The following PTPRM variants were observed in gnomAD, a reference collection of about 807,000 sequenced individuals.
The protein encoded by PTPRM is receptor-type tyrosine-protein phosphatase mu.
Under a neutral mutation model 186.7 loss-of-function variants are expected in PTPRM, and 47 were observed. The ratio of observed to expected loss-of-function variants is 0.25; its 90% confidence interval spans 0.20 to 0.32. The LOEUF is 0.32. Ranked by LOEUF, PTPRM falls within the 10% of genes least tolerant of loss-of-function variation. The probability of loss-of-function intolerance (pLI) is 1.00; values close to 1 mark genes in which losing one functional copy is unlikely to be tolerated. For missense variants in PTPRM, 1,494 were observed against 1,865.0 expected (o/e 0.80, Z 3.66); for synonymous variants, 668 against 674.9 (o/e 0.99, Z 0.16).
Position 7,617,078 on chromosome 18 carries a change from A to G in PTPRM, c.73+49187A>G, listed in dbSNP as rs367846391. 4.6e-5 allele frequency among the ~76,000 whole-genome samples: 7 copies of G among 152,306 alleles called. No individual in the cohort carries two copies. The East Asian group carries it at 1.4e-3, about 29-fold the overall frequency. On this transcript the variant is annotated intron_variant, in intron 1 of 32. Transcript: ENST00000580170. ...AGTAGATGCCTTAGAAATAGAATTCACAGCAGAATGCCCTCTTTCCAGTAG... is the reference window on the plus strand; with the variant it reads ...AGTAGATGCCTTAGAAATAGAATTCGCAGCAGAATGCCCTCTTTCCAGTAG...
chr18:7,710,660 C>A (rs1413484712), intron 1 of PTPRM, among the ~76,000 whole-genome samples: 2 of 152,104 alleles, frequency 1.3e-5, no homozygotes, highest in Admixed American at 6.6e-5. Context: ...AAGATTCATC[C>A]AAAAACTCCT....
At chr18:8,371,286 C>T (rs1004776866) in intron 24 of PTPRM, among the ~76,000 whole-genome samples, 1 of 152,178 alleles carries the variant, frequency 6.6e-6, no homozygotes, top group African/African-American at 2.4e-5. Flanking sequence ...TATTGTTCTG[C>T]CCGTCTCTCT....
chr18:7,819,920 A>G (rs1269415333), intron 2 of PTPRM, among the ~76,000 whole-genome samples: 1 of 151,904 alleles, frequency 6.6e-6, no homozygotes, highest in Non-Finnish European at 1.5e-5. Context: ...CGGGAAGCAG[A>G]CCCCTCCATG....
intron 7 of PTPRM, among the ~76,000 whole-genome samples, chr18:8,032,828 C>A (rs2086074235): frequency 6.6e-6 from 1 of 151,868 alleles, no homozygotes; most frequent in South Asian, 2.1e-4. Context: ...TTTGGGGCAG[C>A]AGAGTTATCA....
At chr18:7,664,312 G>A (rs1274603332) in intron 1 of PTPRM, among the ~76,000 whole-genome samples, 1 of 152,186 alleles carries the variant, frequency 6.6e-6, no homozygotes, top group Non-Finnish European at 1.5e-5. Flanking sequence ...TTACGCAGGA[G>A]CTAAGGATCC....
At chr18:7,771,959 A>T (rs1457103291) in intron 1 of PTPRM, among the ~76,000 whole-genome samples, 5 of 152,228 alleles carry the variant, frequency 3.3e-5, no homozygotes, top group Non-Finnish European at 5.9e-5. Context: ...AAGTGGAGAG[A>T]TGACTCAGTG....
intron 2 of PTPRM, among the ~76,000 whole-genome samples, chr18:7,783,780 G>C (rs1444725983): frequency 6.6e-6 from 1 of 151,182 alleles, no homozygotes; most frequent in Non-Finnish European, 1.5e-5. Context: ...GTGTATGTGT[G>C]TGTGTGTGTA....
intron 1 of PTPRM, among the ~76,000 whole-genome samples, chr18:7,647,432 G>A (rs111441866): frequency 6.5e-4 from 99 of 152,280 alleles, no homozygotes; most frequent in African/African-American, 2.3e-3. Flanking sequence ...GTAAGTTATT[G>A]TGACCCAGGC....
intron 13 of PTPRM, among the ~76,000 whole-genome samples, chr18:8,134,699 T>C (rs1052855922): frequency 4.6e-5 from 7 of 152,206 alleles, no homozygotes; most frequent in African/African-American, 1.7e-4. Flanking sequence ...ATTAGTTCCT[T>C]ATTGAATTGT....
intron 7 of PTPRM, among the ~76,000 whole-genome samples, chr18:8,063,166 C>T (rs1372139108): frequency 2.6e-5 from 4 of 151,400 alleles, no homozygotes; most frequent in Non-Finnish European, 5.9e-5. Flanking sequence ...CGTGGTGCGC[C>T]GTTTTTTAAG....
intron 24 of PTPRM, among the ~76,000 whole-genome samples, chr18:8,372,625 G>A (rs2095670251): frequency 6.6e-6 from 1 of 151,620 alleles, no homozygotes; most frequent in South Asian, 2.1e-4. Context: ...CAGAAAGCTT[G>A]GAGACTTCAA....
rs1284699830 is a variant in PTPRM at position 8,387,147 on chromosome 18, A to G, written c.4120A>G (p.Lys1374Glu). Residue 1374 changes from lysine to glutamate, a missense_variant, in exon 31 of 33, where the codon AAG becomes GAG. By Grantham distance (56) the Lys-to-Glu change is moderately conservative. Transcript: ENST00000580170. ...GATGTACAGGGACACACCAGTGTCTAAGCGCTCCTTCTTGAAGCTCATTCG... is the reference window on the plus strand; with the variant it reads ...GATGTACAGGGACACACCAGTGTCTGAGCGCTCCTTCTTGAAGCTCATTCG... ...WPMYRDTPVS[K>E]RSFLKLIRQV... 6.2e-6 allele frequency: 10 copies of G among 1,612,412 alleles called. No homozygotes were observed. The African/African-American group carries it at 1.3e-4, about 22-fold the overall frequency.
At chr18:7,884,953 G>GAAAAAAAAAAAAAA (rs2048708561) in intron 2 of PTPRM, among the ~76,000 whole-genome samples, 54 of 110,508 alleles carry the variant, frequency 4.9e-4, no homozygotes, top group Non-Finnish European at 8.3e-4. Context: ...AAAAAAAAAG[G>GAAAAAAAAAAAAAA]AGAGAGAGAA....
At chr18:7,646,958 A>G (rs2038580262) in intron 1 of PTPRM, among the ~76,000 whole-genome samples, 1 of 152,038 alleles carries the variant, frequency 6.6e-6, no homozygotes, top group African/African-American at 2.4e-5. Context: ...ACGGACAAGG[A>G]GAAACGGGTT....
intron 19 of PTPRM, among the ~76,000 whole-genome samples, chr18:8,277,204 T>C (rs528515024): frequency 4.3e-4 from 66 of 152,326 alleles, no homozygotes; most frequent in African/African-American, 1.6e-3. Flanking sequence ...CCCAAAGTGC[T>C]CCTAAACTGT....
At chr18:8,228,187 T>A (rs1448192588) in intron 14 of PTPRM, among the ~76,000 whole-genome samples, 1 of 152,152 alleles carries the variant, frequency 6.6e-6, no homozygotes, top group Non-Finnish European at 1.5e-5. Context: ...TATGTGCAGG[T>A]CTTGCCACAC....
At chr18:7,904,712 T>G (rs556578756) in intron 3 of PTPRM, among the ~76,000 whole-genome samples, 1 of 152,306 alleles carries the variant, frequency 6.6e-6, no homozygotes, top group East Asian at 1.9e-4. Context: ...TGTATAAAGC[T>G]TCTGTAAATA....
At chr18:7,827,633 C>T (rs185484452) in intron 2 of PTPRM, among the ~76,000 whole-genome samples, 1 of 152,270 alleles carries the variant, frequency 6.6e-6, no homozygotes, top group East Asian at 1.9e-4. Flanking sequence ...CCAAGAGTCA[C>T]CTAGATTTGT....
intron 1 of PTPRM, among the ~76,000 whole-genome samples, chr18:7,753,767 A>G (rs2041336537): frequency 6.6e-6 from 1 of 152,184 alleles, no homozygotes; most frequent in Admixed American, 6.5e-5. Flanking sequence ...GTGTTAGTTC[A>G]TATCATTTTG....
Sources: allele counts gnomAD v4.1 joint callset (sites outside exome capture counted in the v4.1 genomes callset), GRCh38; gene constraint gnomAD v4.1.1; transcripts MANE v1.5; gene names NCBI Gene and HGNC (gene_info 2026-07-23, HGNC 2026-07-21).